DEAF1: variants seen among roughly 807,000 people sequenced by gnomAD.
DEAF1 encodes the protein deformed epidermal autoregulatory factor 1 homolog.
Under a neutral mutation model 58.9 loss-of-function variants are expected in DEAF1, and 53 were observed. That is an observed-to-expected ratio of 0.90 (90% CI 0.72 to 1.13). The LOEUF is 1.13. DEAF1 is among the 50% of genes most tolerant of loss of function. DEAF1 has a pLI of 0.00. For missense variants in DEAF1, 685 were observed against 791.4 expected (o/e 0.87, Z 1.61); for synonymous variants, 385 against 340.4 (o/e 1.13, Z -1.44).
chr11:680,116 ATTT>A (rs1251812689), intron 7 of DEAF1: 1 of 445,550 alleles, frequency 2.2e-6, no homozygotes, highest in African/African-American at 2.0e-5. Flanking sequence ...ACTTTCAGTG[ATTT>A]TTAAGTACTT....
upstream of DEAF1, chr11:695,908 G>C (rs114644837): frequency 1.7e-3 from 1,959 of 1,183,964 alleles, 31 homozygotes; most frequent in African/African-American, 0.028. Context: ...TTTCCCTGTG[G>C]TGACAATCCG....
Position 695,072 on chromosome 11 carries a change from A to T in DEAF1, c.-25T>A. The T allele has an allele frequency of 7.0e-7, 1 of 1,438,272 alleles. No homozygotes were observed. Among genetic ancestry groups the T allele is most frequent in the Non-Finnish European group, 9.1e-7 (1 of 1,096,496 alleles). 89.1% of individuals were successfully genotyped at this position (1,438,272 alleles called of 1,614,324 possible). A position where few individuals can be genotyped will look rare whatever the true frequency, so the allele number is the denominator to read the frequency against. ...TCCGGACTCCGCCGAGCCTTCCCGA[A>T]GGCGCCGTCCGGGACCGCCCGAAGC... On this transcript the variant is annotated 5_prime_UTR_variant, in exon 1 of 12. Coordinates refer to ENST00000382409, the MANE Select transcript of DEAF1 (RefSeq NM_021008.4).
chr11:698,788 G>C (rs1861313673), upstream of DEAF1: 2 of 1,509,210 alleles, frequency 1.3e-6, no homozygotes, highest in Non-Finnish European at 1.8e-6. Context: ...AAGCAGGGGT[G>C]GTTCCTGTCA....
chr11:705,546 TCAGTG>T (rs1423122229), intron 1 of DEAF1: 2 of 154,436 alleles, frequency 1.3e-5, no homozygotes, highest in African/African-American at 4.8e-5. Flanking sequence ...ACCCCATCCC[TCAGTG>T]CCCAGGCTGG....
At chr11:653,442 G>A (rs1281004773) in intron 11 of DEAF1, among the ~76,000 whole-genome samples, 2 of 144,090 alleles carry the variant, frequency 1.4e-5, no homozygotes, top group Admixed American at 7.0e-5. Context: ...CTCTCGCGTG[G>A]CTCTGCAGGG....
intron 10 of DEAF1, chr11:673,900 C>T (rs1859939803): frequency 6.3e-6 from 1 of 158,302 alleles, no homozygotes; most frequent in East Asian, 1.8e-4. Context: ...TTTATATTAC[C>T]TCAAAGTCTT....
In DEAF1 at chr11:681,084, G is replaced by A; in HGVS notation, c.876C>T (p.Gly292=). 6 of 1,614,028 alleles carry A rather than the reference G, an allele frequency of 3.7e-6. No individual in the cohort carries two copies. The highest frequency in any genetic ancestry group is 4.2e-6 in the Non-Finnish European group (5 of 1,180,032). ...AACCDDMTLS[G]PVRLFVPYKR... ...TGTAAGGCACAAAAAGCCTGACTGG[G>A]CCACTCTGGGGGAGAAAGGAGAGAG... The change falls in exon 7 of 12, where the codon GGC becomes GGT. Residue 292 remains glycine, a synonymous_variant. Coordinates refer to ENST00000382409, the MANE Select transcript of DEAF1 (RefSeq NM_021008.4).
Position 695,111 on chromosome 11 carries a change from C to A in DEAF1, c.-64G>T. 2 of 1,369,968 alleles carry A rather than the reference C, an allele frequency of 1.5e-6. No individual in the cohort carries two copies. The highest frequency in any genetic ancestry group is 1.9e-6 in the Non-Finnish European group (2 of 1,057,840). 84.9% of individuals were successfully genotyped at this position (1,369,968 alleles called of 1,614,324 possible). ...ACCGCCCGAAGCGCCGGTCGCGGAG[C>A]CCGAAGCGGGGCCCGAAGAGGACGC... On this transcript the variant is annotated 5_prime_UTR_variant, in exon 1 of 12. Transcript: ENST00000382409.
At chr11:673,938 TAG>T (rs1271724719) in intron 10 of DEAF1, 1 of 169,824 alleles carries the variant, frequency 5.9e-6, no homozygotes, top group Admixed American at 5.5e-5. Flanking sequence ...TCATATGAAG[TAG>T]AGACTCCATA....
rs577936546 is a variant in DEAF1, at chr11:679,435, G to A, written c.1126+253C>T. Among the ~76,000 whole-genome samples the A allele has an allele frequency of 6.6e-5, 10 of 152,284 alleles. 1 individual carries two copies. The highest frequency in any genetic ancestry group is 6.8e-3 in the Middle Eastern group (2 of 294). ...ACAACTGCAGTCAAAAGCAGGAGCC[G>A]GCAGACAGAGAGTATTTTCAGCTTT... On this transcript the variant is annotated intron_variant, in intron 8 of 11. Coordinates refer to ENST00000382409, the MANE Select transcript of DEAF1 (RefSeq NM_021008.4).
upstream of DEAF1, chr11:699,913 G>C (rs1861366131): frequency 1.8e-6 from 1 of 547,138 alleles, no homozygotes; most frequent in Admixed American, 3.2e-5. Flanking sequence ...AGACCGCATT[G>C]TTGTGGCATG....
chr11:704,199 C>A lies in DEAF1; in HGVS notation c.-438+2373G>T, dbSNP rs78891619. ...CTGCCCTGCAAGAGAGCACACCCCA[C>A]TTGCCAGCTGGTCAGTTCCTGGCTG... On this transcript the variant is annotated intron_variant, in intron 1 of 11. Transcript: ENST00000683307. The A allele has an allele frequency of 3.9e-6, 4 of 1,028,642 alleles. No individual in the cohort carries two copies. In the East Asian group the frequency reaches 2.6e-4, roughly 66 times the overall value. 63.7% of individuals were successfully genotyped at this position (1,028,642 alleles called of 1,614,324 possible). A position where few individuals can be genotyped will look rare whatever the true frequency, so the allele number is the denominator to read the frequency against.
intron 4 of DEAF1, 93 bp downstream of exon 4, chr11:687,818 G>C: frequency 6.5e-7 from 1 of 1,549,988 alleles, no homozygotes; most frequent in Non-Finnish European, 8.9e-7. Context: ...CTAGTTCTAG[G>C]TGCCATGATT....
In DEAF1 at chr11:680,910, G is replaced by A. The variant is rs765815785; in HGVS notation, c.997+53C>T. 6.6e-5 allele frequency: 106 copies of A among 1,612,718 alleles called. 1 individual carries two copies. In the South Asian group the frequency reaches 1.1e-3, roughly 17 times the overall value. On this transcript the variant is annotated intron_variant, in intron 7 of 11. Coordinates refer to ENST00000382409, the MANE Select transcript of DEAF1 (RefSeq NM_021008.4). ...GCCGTGGGAGTGGTGACGAGAGAAG[G>A]CAATGCACTCAGGTCCCCTCAGTAA...
intron 1 of DEAF1, chr11:706,187 C>G (rs2133487601): frequency 6.6e-6 from 1 of 152,116 alleles, no homozygotes; most frequent in East Asian, 1.9e-4. Flanking sequence ...GCCGAGCGTC[C>G]CACCCGCCCG....
chr11:695,079 G>T lies in DEAF1; in HGVS notation c.-32C>A. The T allele has an allele frequency of 1.4e-6, 2 of 1,418,446 alleles. No homozygotes were observed. Among genetic ancestry groups the T allele is most frequent in the South Asian group, 2.7e-5 (2 of 74,706 alleles). The allele number at this position is 1,418,446 out of a possible 1,614,324, so 87.9% of individuals were successfully genotyped here. A position where few individuals can be genotyped will look rare whatever the true frequency, so the allele number is the denominator to read the frequency against. On this transcript the variant is annotated 5_prime_UTR_variant, in exon 1 of 12. Transcript: ENST00000382409. ...TCCGCCGAGCCTTCCCGAAGGCGCC[G>T]TCCGGGACCGCCCGAAGCGCCGGTC... is the stretch of plus-strand genomic sequence containing the variant.
chr11:655,770 G>A (rs1195269902), intron 10 of DEAF1, among the ~76,000 whole-genome samples: 3 of 152,218 alleles, frequency 2.0e-5, no homozygotes, highest in Non-Finnish European at 2.9e-5. Flanking sequence ...CAGAAAACAG[G>A]AGCATTAGGA....
intron 1 of DEAF1, among the ~76,000 whole-genome samples, chr11:692,864 A>G (rs1205309942): frequency 6.6e-6 from 1 of 151,824 alleles, no homozygotes; most frequent in Admixed American, 6.6e-5. Flanking sequence ...AAAAAAAAAA[A>G]AAGGCATGTT....
intron 1 of DEAF1, chr11:700,358 C>A: frequency 1.1e-6 from 1 of 933,350 alleles, no homozygotes; most frequent in Non-Finnish European, 1.6e-6. Context: ...GAAACCCCAT[C>A]TCTACTAAAA....
Sources: allele counts gnomAD v4.1 joint callset (sites outside exome capture counted in the v4.1 genomes callset), GRCh38; gene constraint gnomAD v4.1.1; transcripts MANE v1.5; gene names NCBI Gene and HGNC (gene_info 2026-07-23, HGNC 2026-07-21).